Variants in THSD7B observed in about 807,000 individuals in gnomAD.
THSD7B encodes thrombospondin type-1 domain-containing protein 7B.
Under a neutral mutation model 213.6 loss-of-function variants are expected in THSD7B, and 138 were observed. That is an observed-to-expected ratio of 0.65 (90% CI 0.56 to 0.74). THSD7B has a LOEUF of 0.74. Ranked by LOEUF, THSD7B falls within the 30% of genes least tolerant of loss-of-function variation. The probability of loss-of-function intolerance (pLI) is 0.00; values close to 1 mark genes in which losing one functional copy is unlikely to be tolerated. For missense variants in THSD7B, 1,931 were observed against 1,991.5 expected (o/e 0.97, Z 0.58); for synonymous variants, 742 against 687.0 (o/e 1.08, Z -1.25).
chr2:137,471,449 T>C (rs377421285), intron 15 of THSD7B, among the ~76,000 whole-genome samples: 127 of 152,200 alleles, frequency 8.3e-4, no homozygotes, highest in African/African-American at 2.9e-3. Flanking sequence ...CTCAAAGTTC[T>C]GGGGTGGCAC....
intron 1 of THSD7B, among the ~76,000 whole-genome samples, chr2:136,792,532 C>T (rs1032622142): frequency 2.0e-5 from 3 of 151,926 alleles, no homozygotes; most frequent in African/African-American, 4.8e-5. Context: ...GTGATGGTCT[C>T]GTGCCAATGC....
chr2:136,930,729 TG>T, intron 2 of THSD7B, among the ~76,000 whole-genome samples: 1 of 152,216 alleles, frequency 6.6e-6, no homozygotes, highest in African/African-American at 2.4e-5. Context: ...CCAGTCTTTG[TG>T]TCTGCTCAGA....
At chr2:136,946,672 A>G (rs566629157) in intron 2 of THSD7B, among the ~76,000 whole-genome samples, 1 of 151,960 alleles carries the variant, frequency 6.6e-6, no homozygotes, top group East Asian at 1.9e-4. Flanking sequence ...TTGTTTATCT[A>G]CTCAAGCCTC....
At chr2:137,560,336 G>A (rs569773505) in intron 15 of THSD7B, among the ~76,000 whole-genome samples, 2 of 152,036 alleles carry the variant, frequency 1.3e-5, no homozygotes, top group South Asian at 2.1e-4. Context: ...GATAGACTGG[G>A]TTAAAAAAAA....
intron 12 of THSD7B, among the ~76,000 whole-genome samples, chr2:137,291,243 T>C (rs2117742): frequency 0.62 from 94,364 of 151,924 alleles, 29,990 homozygotes; most frequent in East Asian, 0.94. Context: ...GTATCTCTTT[T>C]TCCAAATAAT....
chr2:137,299,515 C>T lies in THSD7B; in HGVS notation c.2500+23489C>T, dbSNP rs544987628. On this transcript the variant is annotated intron_variant, in intron 12 of 27. Transcript: ENST00000409968. ...GGTGGAGTGATATGGTTTGGCTGTG[C>T]CCCCATCCAAATTTCAACTTGAATT... Among the ~76,000 whole-genome samples the T allele has an allele frequency of 4.0e-3, 601 of 152,050 alleles. 3 individuals carry two copies. The highest frequency in any genetic ancestry group is 6.7e-3 in the Non-Finnish European group (455 of 68,012).
chr2:137,021,009 G>A (rs1029906472), intron 2 of THSD7B, among the ~76,000 whole-genome samples: 1 of 152,198 alleles, frequency 6.6e-6, no homozygotes, highest in African/African-American at 2.4e-5. Flanking sequence ...TCTGTAAGCA[G>A]TTTGTCACAA....
chr2:137,249,986 A>G (rs1265442844), intron 10 of THSD7B, among the ~76,000 whole-genome samples: 1 of 152,216 alleles, frequency 6.6e-6, no homozygotes, highest in African/African-American at 2.4e-5. Flanking sequence ...CAGATGAGGC[A>G]ACACACTCCT....
chr2:136,905,438 T>A (rs755885603), intron 2 of THSD7B, among the ~76,000 whole-genome samples: 7 of 152,140 alleles, frequency 4.6e-5, no homozygotes, highest in Non-Finnish European at 1.0e-4. Flanking sequence ...AAGACAAAGG[T>A]TTTGTGAGAA....
intron 20 of THSD7B, among the ~76,000 whole-genome samples, chr2:137,626,849 G>A (rs1682641337): frequency 6.6e-6 from 1 of 152,218 alleles, no homozygotes; most frequent in Non-Finnish European, 1.5e-5. Flanking sequence ...AACAAGGATA[G>A]TGTTTTATCC....
chr2:137,594,657 CATT>C (rs991289109), intron 17 of THSD7B, among the ~76,000 whole-genome samples: 3 of 151,864 alleles, frequency 2.0e-5, no homozygotes, highest in African/African-American at 7.2e-5. Context: ...TGTATTTTTT[CATT>C]ATTCTTAATT....
At chr2:137,462,277 A>G (rs1687900547) in intron 15 of THSD7B, among the ~76,000 whole-genome samples, 1 of 151,834 alleles carries the variant, frequency 6.6e-6, no homozygotes, top group Non-Finnish European at 1.5e-5. Context: ...AAAATAAGCA[A>G]CTCTATATCT....
intron 1 of THSD7B, among the ~76,000 whole-genome samples, chr2:136,826,932 T>A (rs1332782112): frequency 1.3e-5 from 2 of 152,156 alleles, no homozygotes; most frequent in African/African-American, 4.8e-5. Context: ...GGTTAATTTA[T>A]ATACTTACAT....
intron 12 of THSD7B, among the ~76,000 whole-genome samples, chr2:137,332,645 A>G (rs1684540778): frequency 6.6e-6 from 1 of 152,204 alleles, no homozygotes; most frequent in African/African-American, 2.4e-5. Flanking sequence ...GTTTCCACTC[A>G]AATCTCATCT....
intron 14 of THSD7B, among the ~76,000 whole-genome samples, chr2:137,444,849 A>G (rs1687493958): frequency 6.6e-6 from 1 of 152,080 alleles, no homozygotes; most frequent in Non-Finnish European, 1.5e-5. Context: ...GAACGAGAGA[A>G]AATATTTGCA....
chr2:137,591,010 T>A (rs1681855089), intron 17 of THSD7B, among the ~76,000 whole-genome samples: 1 of 151,836 alleles, frequency 6.6e-6, no homozygotes, highest in Admixed American at 6.6e-5. Context: ...TGATACACTT[T>A]AAAAATTCCC....
intron 4 of THSD7B, among the ~76,000 whole-genome samples, chr2:137,103,653 C>T (rs116350855): frequency 6.6e-6 from 1 of 151,000 alleles, no homozygotes; most frequent in Non-Finnish European, 1.5e-5. Context: ...CACATACAGA[C>T]ACACATAGGC....
intron 21 of THSD7B, among the ~76,000 whole-genome samples, chr2:137,643,750 G>C (rs551582755): frequency 3.3e-5 from 5 of 152,266 alleles, no homozygotes; most frequent in Admixed American, 2.0e-4. Context: ...CAGGGGAAGG[G>C]AGAGGAAAGT....
At chr2:137,613,626 A>C (rs1682327265) in intron 17 of THSD7B, among the ~76,000 whole-genome samples, 1 of 152,184 alleles carries the variant, frequency 6.6e-6, no homozygotes, top group African/African-American at 2.4e-5. Flanking sequence ...AAACTGGTCC[A>C]AAGTTGACTT....
Sources: gnomAD v4.1 joint callset for allele counts (sites outside exome capture counted in the v4.1 genomes callset) on GRCh38, gnomAD v4.1.1 for gene constraint, MANE v1.5 for transcripts, NCBI Gene and HGNC (gene_info 2026-07-23, HGNC 2026-07-21) for gene names.